Variants in IL27RA observed in about 807,000 individuals in gnomAD.
IL27RA encodes the protein interleukin-27 receptor subunit alpha.
IL27RA carries 61 observed loss-of-function variants against 80.8 expected under a neutral mutation model. The ratio of observed to expected loss-of-function variants is 0.76; its 90% CI spans 0.61 to 0.93. IL27RA has a LOEUF of 0.93. Ranked by LOEUF, IL27RA falls within the 40% of genes least tolerant of loss-of-function variation. The probability of loss-of-function intolerance (pLI) is 0.00; values close to 1 mark genes in which losing one functional copy is unlikely to be tolerated. For synonymous variants in IL27RA, 316 were observed against 332.5 expected (o/e 0.95, Z 0.54); for missense variants, 735 against 808.1 (o/e 0.91, Z 1.10).
chr19:14,050,616 C>A (rs1976146897), intron 10 of IL27RA, 142 bp from the exon 11 acceptor site: 2 of 803,904 alleles, frequency 2.5e-6, no homozygotes, highest in Admixed American at 3.0e-5. Flanking sequence ...AAGAGGTGAC[C>A]TTTGAGCAAA....
At chr19:14,032,122 C>T (rs1445940710) in intron 1 of IL27RA, 150 bp downstream of exon 1, 8 of 780,652 alleles carry the variant, frequency 1.0e-5, no homozygotes, top group Non-Finnish European at 1.4e-5. Context: ...CCCGGCGACA[C>T]TGGGGAATGG....
Position 14,051,671 on chromosome 19 carries a change from G to T in IL27RA, c.1593G>T (p.Gly531=), listed in dbSNP as rs1465906402. Residue 531 remains glycine, a synonymous_variant, in exon 12 of 14, where the codon GGG becomes GGT. Transcript: ENST00000263379. ...ILFLWGLFLL[G]CGLSLATSGR... ...TCTTGTGGGGCTTGTTCCTGTTGGGGTGTGGCCTGAGCCTGGCCACCTCTG... is the reference window on the plus strand; with the variant it reads ...TCTTGTGGGGCTTGTTCCTGTTGGGTTGTGGCCTGAGCCTGGCCACCTCTG... The T allele has an allele frequency of 3.1e-6, 5 of 1,612,838 alleles. No individual in the cohort carries two copies. The Admixed American group carries it at 5.0e-5, about 16-fold the overall frequency.
chr19:14,047,639 G>A (rs956518335), intron 8 of IL27RA, among the ~76,000 whole-genome samples: 1 of 147,198 alleles, frequency 6.8e-6, no homozygotes, highest in Non-Finnish European at 1.5e-5. Context: ...TGACAGGGGT[G>A]AGCCACCATG....
chr19:14,045,456 C>T (rs934304041), intron 6 of IL27RA, among the ~76,000 whole-genome samples: 10 of 151,368 alleles, frequency 6.6e-5, no homozygotes, highest in Admixed American at 1.3e-4. Flanking sequence ...AAAAAATTAG[C>T]CGGACGTGGT....
At position 14,042,707 on chromosome 19, in the gene IL27RA, C is replaced by A. The variant is rs757904994; in HGVS notation, c.695-9C>A. 1.2e-6 allele frequency: 2 copies of A among 1,614,024 alleles called. No individual in the cohort carries two copies. Among genetic ancestry groups the A allele is most frequent in the Non-Finnish European group, 8.5e-7 (1 of 1,180,010 alleles). On this transcript the variant is annotated splice_polypyrimidine_tract_variant and intron_variant, in intron 5 of 13. Coordinates refer to ENST00000263379, the MANE Select transcript of IL27RA (RefSeq NM_004843.4). ...ACTCATTTGTTCCCCGTTTCCTCAT[C>A]CTTGCCAGCTCCAAAAGATGTGTGG...
At position 14,048,947 on chromosome 19, in the gene IL27RA, A is replaced by G. The variant is rs1976111705; in HGVS notation, c.1142-34A>G. 5 of 1,582,706 alleles carry G rather than the reference A, an allele frequency of 3.2e-6. 1 individual carries two copies. The highest frequency in any genetic ancestry group is 4.3e-6 in the Non-Finnish European group (5 of 1,151,854). ...GGAAATGAGCATGGGAAGGAGAGCC[A>G]ACTCTAACTGGTCTTTATTTCTTTG... On this transcript the variant is annotated intron_variant, in intron 8 of 13. Coordinates refer to ENST00000263379, the MANE Select transcript of IL27RA (RefSeq NM_004843.4).
intron 10 of IL27RA, 109 bp downstream of exon 10, chr19:14,049,423 A>G (rs1446228763): frequency 1.4e-5 from 15 of 1,103,818 alleles, no homozygotes; most frequent in Non-Finnish European, 1.4e-5. Context: ...GGGACCATAC[A>G]TGGTGTCCTC....
chr19:14,032,456 T>C lies in IL27RA; in HGVS notation c.171T>C (p.Leu57=). The part of the protein sequence containing the change: ...LGDLNCSWEP[L]GDLGAPSELH... ...ACTTGAACTGCTCGTGGGAGCCTCT[T>C]GGGGACCTGGGAGCCCCCTCCGAGT... is the stretch of plus-strand genomic sequence containing the variant. The change falls in exon 2 of 14, where the codon CTT becomes CTC. Residue 57 remains leucine (L), a synonymous_variant. Transcript: ENST00000263379. 1 of 1,613,604 alleles carries C rather than the reference T, an allele frequency of 6.2e-7. No individual in the cohort carries two copies. The highest frequency in any genetic ancestry group is 8.5e-7 in the Non-Finnish European group (1 of 1,179,848).
chr19:14,040,010 C>G, intron 4 of IL27RA, 100 bp downstream of exon 4: 4 of 1,217,720 alleles, frequency 3.3e-6, no homozygotes, highest in African/African-American at 1.5e-5. Flanking sequence ...CTGTGCCTGC[C>G]CCTGAGCCTG....
intron 2 of IL27RA, among the ~76,000 whole-genome samples, chr19:14,038,442 G>A (rs960313098): frequency 2.0e-5 from 3 of 151,952 alleles, no homozygotes; most frequent in South Asian, 2.1e-4. Context: ...GCTGAACATT[G>A]TGATGCACAC....
chr19:14,046,635 C>A lies in IL27RA; in HGVS notation c.1141+17C>A. On this transcript the variant is annotated intron_variant, in intron 8 of 13. Coordinates refer to ENST00000263379, the MANE Select transcript of IL27RA (RefSeq NM_004843.4). ...TGTTACCAGGTGAGGCCCTGGGACA[C>A]CTGGGTCTCCATCCCCGCTGTTAGA... The A allele has an allele frequency of 6.4e-7, 1 of 1,573,266 alleles. No homozygotes were observed. The highest frequency in any genetic ancestry group is 8.6e-7 in the Non-Finnish European group (1 of 1,158,604).
chr19:14,051,996 C>A, intron 13 of IL27RA, 23 bp downstream of exon 13: 1 of 1,554,764 alleles, frequency 6.4e-7, no homozygotes, highest in Non-Finnish European at 8.7e-7. Context: ...GCCGGCTAGT[C>A]GGAGCCCTCT....
intron 4 of IL27RA, among the ~76,000 whole-genome samples, chr19:14,041,479 G>A (rs1975988440): frequency 6.6e-6 from 1 of 152,080 alleles, no homozygotes; most frequent in African/African-American, 2.4e-5. Context: ...GGGATTACAG[G>A]CGTGAGCCAC....
intron 4 of IL27RA, among the ~76,000 whole-genome samples, chr19:14,041,330 T>C (rs1233818000): frequency 1.3e-5 from 2 of 151,922 alleles, no homozygotes; most frequent in Non-Finnish European, 2.9e-5. Flanking sequence ...CTCAAGTAGG[T>C]GGGATTACAG....
intron 4 of IL27RA, among the ~76,000 whole-genome samples, chr19:14,040,699 G>C (rs1007520938): frequency 3.3e-5 from 5 of 151,732 alleles, no homozygotes; most frequent in Admixed American, 2.0e-4. Context: ...GTGGGTGCCT[G>C]TAGTCCCAGC....
intron 8 of IL27RA, 124 bp downstream of exon 8, chr19:14,046,742 ATC>A (rs1976073621): frequency 1.1e-6 from 1 of 924,794 alleles, no homozygotes; most frequent in African/African-American, 1.7e-5. Context: ...CATGCCTGTA[ATC>A]TCAGCACTTT....
chr19:14,036,238 TC>T (rs2145686474), intron 2 of IL27RA, among the ~76,000 whole-genome samples: 1 of 152,156 alleles, frequency 6.6e-6, no homozygotes, highest in African/African-American at 2.4e-5. Flanking sequence ...CAAGCGATCC[TC>T]CCATCTTGCC....
intron 10 of IL27RA, among the ~76,000 whole-genome samples, chr19:14,050,356 G>C (rs963571146): frequency 6.6e-6 from 1 of 151,904 alleles, no homozygotes; most frequent in Non-Finnish European, 1.5e-5. Context: ...ATAAAAATTA[G>C]CCAGATGTGG....
At chr19:14,032,634 CAA>C (rs766574764) in intron 2 of IL27RA, 131 bp downstream of exon 2, 2,330 of 93,070 alleles carry the variant, frequency 0.025, no homozygotes, top group East Asian at 0.035. Context: ...ACTAAAAATA[CAA>C]AAAAAAAAAA....
Sources: gnomAD v4.1 joint callset for allele counts (sites outside exome capture counted in the v4.1 genomes callset) on GRCh38, gnomAD v4.1.1 for gene constraint, MANE v1.5 for transcripts, NCBI Gene and HGNC (gene_info 2026-07-23, HGNC 2026-07-21) for gene names.